Variants in TENM2 observed in about 807,000 individuals in gnomAD.
The protein encoded by TENM2 is teneurin-2.
In TENM2, 52 loss-of-function variants were observed where a neutral mutation model predicts 245.2. That is an observed-to-expected ratio of 0.21 (90% CI 0.17 to 0.27). The LOEUF is 0.27. Ranked by LOEUF, TENM2 falls within the 10% of genes least tolerant of loss-of-function variation. TENM2 has a pLI of 1.00. For synonymous variants in TENM2, 1,363 were observed against 1,438.9 expected (o/e 0.95, Z 1.19); for missense variants, 3,046 against 3,666.8 (o/e 0.83, Z 4.37).
At chr5:167,293,456 G>C (rs1350564314) in intron 1 of TENM2, among the ~76,000 whole-genome samples, 4 of 150,628 alleles carry the variant, frequency 2.7e-5, no homozygotes, top group Non-Finnish European at 5.9e-5. Flanking sequence ...CTGATCTTAG[G>C]TGATCCACCC....
intron 3 of TENM2, among the ~76,000 whole-genome samples, chr5:167,909,167 T>A (rs1410655040): frequency 6.6e-6 from 1 of 151,910 alleles, no homozygotes; most frequent in Non-Finnish European, 1.5e-5. Context: ...AACTAGAAAC[T>A]TACAGCATAT....
intron 2 of TENM2, among the ~76,000 whole-genome samples, chr5:167,663,716 A>T (rs752572770): frequency 6.6e-6 from 1 of 152,026 alleles, no homozygotes; most frequent in African/African-American, 2.4e-5. Flanking sequence ...CTCATATTTT[A>T]ATCTCTGTGT....
intron 9 of TENM2, among the ~76,000 whole-genome samples, chr5:168,102,414 T>C (rs1404187793): frequency 6.6e-6 from 1 of 152,158 alleles, no homozygotes; most frequent in Non-Finnish European, 1.5e-5. Context: ...ACCAGAAAAT[T>C]GAAAAAGGAA....
chr5:167,128,112 T>C, the TENM2 span, among the ~76,000 whole-genome samples: 1 of 152,166 alleles, frequency 6.6e-6, no homozygotes, highest in Non-Finnish European at 1.5e-5. Context: ...TGCGAATCCT[T>C]ATATGTTAAA....
chr5:167,559,243 A>C (rs1258135331), intron 2 of TENM2, among the ~76,000 whole-genome samples: 1 of 152,208 alleles, frequency 6.6e-6, no homozygotes, highest in African/African-American at 2.4e-5. Context: ...CCATCTCTAC[A>C]TCCCAGCAAA....
chr5:167,259,856 A>G, the TENM2 span, among the ~76,000 whole-genome samples: 19 of 152,184 alleles, frequency 1.2e-4, no homozygotes, highest in Admixed American at 8.5e-4. Context: ...TCCTACTTCC[A>G]ATGTCTAATG....
At chr5:167,940,258 C>T (rs1779064794) in intron 3 of TENM2, among the ~76,000 whole-genome samples, 1 of 149,312 alleles carries the variant, frequency 6.7e-6, no homozygotes, top group Non-Finnish European at 1.5e-5. Flanking sequence ...CCATATTTGT[C>T]AATGTGTAAT....
At chr5:167,376,591 T>A (rs1218779882) in intron 2 of TENM2, among the ~76,000 whole-genome samples, 1 of 152,190 alleles carries the variant, frequency 6.6e-6, no homozygotes, top group African/African-American at 2.4e-5. Context: ...AAGATGTCAC[T>A]TTTTTGAATT....
At chr5:168,211,626 C>CT in intron 19 of TENM2, 108 bp from the exon 22 acceptor site, 2 of 691,276 alleles carry the variant, frequency 2.9e-6, no homozygotes, top group East Asian at 3.0e-5. Flanking sequence ...AAAAGACTGC[C>CT]TTTTTTGGGC....
chr5:168,097,248 CCTAAGGCTAAAAA>C (rs1418163309), intron 8 of TENM2, among the ~76,000 whole-genome samples: 1 of 152,042 alleles, frequency 6.6e-6, no homozygotes, highest in Non-Finnish European at 1.5e-5. Context: ...ACTCTCTATA[CCTAAGGCTAAAAA>C]CTGATACCCT....
chr5:167,692,996 C>G (rs1267226554), intron 2 of TENM2, among the ~76,000 whole-genome samples: 1 of 152,188 alleles, frequency 6.6e-6, no homozygotes, highest in East Asian at 1.9e-4. Context: ...TAGAGACAAA[C>G]AGCCCTGGGT....
rs182855647 is a variant in TENM2 at position 168,134,159 on chromosome 5, A to C, written c.2422+7193A>C. Among the ~76,000 whole-genome samples the C allele has an allele frequency of 6.2e-4, 94 of 152,222 alleles. 1 individual carries two copies. Among genetic ancestry groups the C allele is most frequent in the Middle Eastern group, 3.4e-3 (1 of 294 alleles). ...GACAGAGTGAGACTCTGTCTCAAAA[A>C]AAAACAAAACAAAACAAAAAAATAG... On this transcript the variant is annotated intron_variant, in intron 12 of 28. Coordinates refer to ENST00000518659, the Ensembl canonical transcript of TENM2.
chr5:168,061,322 T>C (rs1421348766), intron 6 of TENM2, among the ~76,000 whole-genome samples: 1 of 152,108 alleles, frequency 6.6e-6, no homozygotes, highest in Non-Finnish European at 1.5e-5. Context: ...AATTCTGTGG[T>C]TGCAAGGGAA....
At chr5:167,164,447 A>G in the TENM2 span, among the ~76,000 whole-genome samples, 1 of 152,198 alleles carries the variant, frequency 6.6e-6, no homozygotes, top group South Asian at 2.1e-4. Flanking sequence ...TCTTGCTATT[A>G]TGTTCTGAGG....
At chr5:167,252,608 T>C in the TENM2 span, among the ~76,000 whole-genome samples, 2 of 152,218 alleles carry the variant, frequency 1.3e-5, no homozygotes, top group South Asian at 4.1e-4. Flanking sequence ...ATAACACTTT[T>C]CCCTTTCCAT....
the TENM2 span, among the ~76,000 whole-genome samples, chr5:167,192,987 G>A: frequency 5.3e-5 from 8 of 151,998 alleles, no homozygotes; most frequent in Non-Finnish European, 1.2e-4. Flanking sequence ...CCTTTCAGGC[G>A]AGAGTTTAGT....
chr5:167,057,608 G>A, the TENM2 span, among the ~76,000 whole-genome samples: 1 of 152,120 alleles, frequency 6.6e-6, no homozygotes, highest in African/African-American at 2.4e-5. Context: ...GCTAAAGTTG[G>A]TATTTTCCCT....
At chr5:167,782,897 C>G (rs1223577899) in intron 2 of TENM2, among the ~76,000 whole-genome samples, 1 of 152,174 alleles carries the variant, frequency 6.6e-6, no homozygotes, top group African/African-American at 2.4e-5. Flanking sequence ...CACAGGCCTG[C>G]TCGCCCAGCT....
At chr5:167,088,250 A>G in the TENM2 span, among the ~76,000 whole-genome samples, 1 of 152,326 alleles carries the variant, frequency 6.6e-6, no homozygotes, top group Non-Finnish European at 1.5e-5. Context: ...GAAATAAATC[A>G]CAATTGGGTC....
Sources: gnomAD v4.1 joint callset for allele counts (sites outside exome capture counted in the v4.1 genomes callset) on GRCh38, gnomAD v4.1.1 for gene constraint, MANE v1.5 for transcripts, NCBI Gene and HGNC (gene_info 2026-07-23, HGNC 2026-07-21) for gene names.